Variants in PKHD1 observed in about 807,000 individuals in gnomAD.
The protein encoded by PKHD1 is fibrocystin.
Under a neutral mutation model 412.0 loss-of-function variants are expected in PKHD1, and 291 were observed. The ratio of observed to expected loss-of-function variants is 0.71; its 90% CI spans 0.64 to 0.78. The LOEUF (loss-of-function observed/expected upper bound fraction) is 0.78. Among genes scored for constraint, PKHD1 ranks in the 30% least tolerant of loss-of-function variants. The pLI, the probability that PKHD1 is intolerant of heterozygous loss-of-function variation, is 0.00. For synonymous variants in PKHD1, 1,777 were observed against 1,821.5 expected (o/e 0.98, Z 0.62); for missense variants, 4,825 against 4,950.7 (o/e 0.97, Z 0.76).
rs923403903 is a variant in PKHD1 at position 51,909,364 on chromosome 6, A to G, written c.6601T>C (p.Leu2201=). Residue 2201 remains leucine, a synonymous_variant, in exon 40 of 67, where the codon TTG becomes CTG. Transcript: ENST00000371117. ...AAGACTTGAAACTGCACTCCCTTCA[A>G]CTGGACCTGGCTGGGCTCTTCTGGG... ...SFPEEPSQVQ[L]KGVQFQVLGQ... is the part of the protein sequence containing the mutation. 6.2e-6 allele frequency: 10 copies of G among 1,613,492 alleles called. No homozygotes were observed. Among genetic ancestry groups the G allele is most frequent in the Non-Finnish European group, 8.5e-6 (10 of 1,179,624 alleles).
chr6:51,744,296 A>T, intron 60 of PKHD1, 89 bp downstream of exon 60: 1 of 1,125,662 alleles, frequency 8.9e-7, no homozygotes, highest in Non-Finnish European at 1.4e-6. Flanking sequence ...CTTCACCAGT[A>T]CATTTCATTC....
chr6:51,830,850 G>A lies in PKHD1; in HGVS notation c.8302+11C>T. 6.2e-7 allele frequency: 1 copy of A among 1,611,254 alleles called. No homozygotes were observed. Among genetic ancestry groups the A allele is most frequent in the Non-Finnish European group, 8.5e-7 (1 of 1,177,690 alleles). ...CTGTCTGTGATTCATCTCTTGGGTA[G>A]TTTTACTCACTGGGTAAAATGAGAA... On this transcript the variant is annotated intron_variant, in intron 52 of 66. Transcript: ENST00000371117.
intron 52 of PKHD1, among the ~76,000 whole-genome samples, chr6:51,803,326 T>C (rs1265016314): frequency 6.6e-6 from 1 of 151,096 alleles, no homozygotes; most frequent in Non-Finnish European, 1.5e-5. Context: ...GTTTCCAAAA[T>C]ATGTTATTTT....
rs542894735 is a variant in PKHD1, at chr6:51,676,699, C to T, written c.10157-16730G>A. The stretch of plus-strand genomic sequence containing the variant: ...CCCATTTATATATGTTGTCACAGGC[C>T]CTCAGGCTATGAGGAGTGAAACTCC... On this transcript the variant is annotated intron_variant, in intron 60 of 66. Transcript: ENST00000371117. Among the ~76,000 whole-genome samples the T allele has an allele frequency of 4.6e-5, 7 of 152,184 alleles. No homozygotes were observed. The South Asian group carries it at 1.2e-3, about 27-fold the overall frequency.
intron 21 of PKHD1, 133 bp from the exon 22 acceptor site, chr6:52,050,428 G>T: frequency 1.1e-6 from 1 of 917,126 alleles, no homozygotes; most frequent in South Asian, 1.4e-5. Flanking sequence ...CTTATCTGCT[G>T]CCATAAAGAA....
chr6:52,044,911 A>G (rs759682473), intron 25 of PKHD1, 55 bp downstream of exon 25: 20 of 1,598,966 alleles, frequency 1.3e-5, no homozygotes, highest in Non-Finnish European at 1.5e-5. Flanking sequence ...ATCAGTGAGG[A>G]GTGAGTTAGA....
At position 51,907,511 on chromosome 6, in the gene PKHD1, A is replaced by C. The variant is rs79166007; in HGVS notation, c.6683-1171T>G. 2.5e-3 allele frequency among the ~76,000 whole-genome samples: 377 copies of C among 152,320 alleles called. 3 individuals carry two copies. Among genetic ancestry groups the C allele is most frequent in the African/African-American group, 8.1e-3 (337 of 41,584 alleles). On this transcript the variant is annotated intron_variant, in intron 40 of 66. Coordinates refer to ENST00000371117, the MANE Select transcript of PKHD1 (RefSeq NM_138694.4). The stretch of plus-strand genomic sequence containing the variant: ...AACAGCATAGGCCTGACCATGTGAA[A>C]AACCAGTAAGTACTTATGTGTTTGT...
chr6:51,616,524 C>G lies in PKHD1; in HGVS notation c.*2557G>C. On this transcript the variant is annotated 3_prime_UTR_variant, in exon 67 of 67. Transcript: ENST00000371117. ...TTGCTTTTGGTGTTTCCCTAATTCTCTCATTTTTTTTTTTTTTTAGGAGAA... is the reference window on the plus strand; with the variant it reads ...TTGCTTTTGGTGTTTCCCTAATTCTGTCATTTTTTTTTTTTTTTAGGAGAA... 1 of 389,716 alleles carries G rather than the reference C, an allele frequency of 2.6e-6. No homozygotes were observed. Among genetic ancestry groups the G allele is most frequent in the Non-Finnish European group, 4.5e-6 (1 of 221,996 alleles). The allele number at this position is 389,716 out of a possible 1,614,324, so 24.1% of individuals were successfully genotyped here. A position where few individuals can be genotyped will look rare whatever the true frequency, so the allele number is the denominator to read the frequency against.
chr6:51,924,340 C>T (rs1278689427), intron 37 of PKHD1, among the ~76,000 whole-genome samples: 2 of 152,084 alleles, frequency 1.3e-5, no homozygotes, highest in African/African-American at 4.8e-5. Context: ...AAGAAGACTA[C>T]TACTGAAGCA....
chr6:52,015,908 A>G (rs1800463658), intron 34 of PKHD1, among the ~76,000 whole-genome samples: 1 of 152,224 alleles, frequency 6.6e-6, no homozygotes, highest in African/African-American at 2.4e-5. Flanking sequence ...AATGATATTC[A>G]TAGGTAAAGC....
At chr6:51,742,295 C>A (rs1199218209) in intron 60 of PKHD1, among the ~76,000 whole-genome samples, 1 of 152,190 alleles carries the variant, frequency 6.6e-6, no homozygotes, top group Non-Finnish European at 1.5e-5. Context: ...AAAACCAATA[C>A]TGTAGTCCTT....
At chr6:51,770,217 G>A (rs1400470419) in intron 55 of PKHD1, among the ~76,000 whole-genome samples, 1 of 151,644 alleles carries the variant, frequency 6.6e-6, no homozygotes, top group African/African-American at 2.4e-5. Context: ...ACATTTCCTA[G>A]AGATTTGCTT....
At chr6:52,023,072 G>A in intron 32 of PKHD1, 128 bp from the exon 33 acceptor site, 1 of 1,039,964 alleles carries the variant, frequency 9.6e-7, no homozygotes. Flanking sequence ...CCGCACAACT[G>A]GCTTGAGGTG....
chr6:51,865,111 T>C (rs774168586), intron 48 of PKHD1, among the ~76,000 whole-genome samples: 11 of 152,120 alleles, frequency 7.2e-5, no homozygotes, highest in Non-Finnish European at 1.5e-4. Flanking sequence ...CTGAGGTTCA[T>C]AGGGGGAAGC....
intron 35 of PKHD1, among the ~76,000 whole-genome samples, chr6:52,004,219 T>G (rs983853394): frequency 1.3e-5 from 2 of 152,212 alleles, no homozygotes; most frequent in African/African-American, 4.8e-5. Context: ...TTTGGATAGC[T>G]TTGATTGTTT....
intron 51 of PKHD1, among the ~76,000 whole-genome samples, chr6:51,832,673 C>A (rs1018646946): frequency 1.3e-5 from 2 of 151,976 alleles, no homozygotes; most frequent in Non-Finnish European, 2.9e-5. Context: ...AATTTGGCAT[C>A]ATCGGCCTAG....
chr6:52,013,930 C>G (rs771154637), intron 34 of PKHD1, among the ~76,000 whole-genome samples: 1 of 152,250 alleles, frequency 6.6e-6, no homozygotes, highest in African/African-American at 2.4e-5. Context: ...ACCCACAAAG[C>G]TCAGCCAGGG....
At chr6:51,843,175 G>T (rs1770537895) in intron 50 of PKHD1, among the ~76,000 whole-genome samples, 1 of 152,234 alleles carries the variant, frequency 6.6e-6, no homozygotes, top group African/African-American at 2.4e-5. Context: ...CTTTCCTTGT[G>T]CCTGGGCCTA....
At chr6:51,728,105 G>A (rs563155156) in intron 60 of PKHD1, among the ~76,000 whole-genome samples, 1 of 152,120 alleles carries the variant, frequency 6.6e-6, no homozygotes, top group Admixed American at 6.5e-5. Context: ...TTTCTTATCT[G>A]GTCATATATT....
Sources: gnomAD v4.1 joint callset for allele counts (sites outside exome capture counted in the v4.1 genomes callset) on GRCh38, gnomAD v4.1.1 for gene constraint, MANE v1.5 for transcripts, NCBI Gene and HGNC (gene_info 2026-07-23, HGNC 2026-07-21) for gene names.